TLE4: variants seen among roughly 807,000 people sequenced by gnomAD.
TLE4 encodes the protein TLE family member 4, transcriptional corepressor.
Under a neutral mutation model 92.8 loss-of-function variants are expected in TLE4, and 8 were observed. The ratio of observed to expected loss-of-function variants is 0.09; its 90% CI spans 0.05 to 0.16. The LOEUF (loss-of-function observed/expected upper bound fraction) is 0.16, where lower values mean the gene tolerates loss of function less well. TLE4 is among the 10% of genes least tolerant of loss of function. TLE4 has a pLI of 1.00. For missense variants in TLE4, 675 were observed against 997.6 expected, an observed-to-expected ratio of 0.68 and a Z score of 4.36; for synonymous variants, 371 against 374.1, an observed-to-expected ratio of 0.99 and a Z score of 0.10.
chr9:79,723,866 A>G (rs1362470737), intron 19 of TLE4, among the ~76,000 whole-genome samples: 1 of 152,208 alleles, frequency 6.6e-6, no homozygotes. Context: ...ATGGATTATC[A>G]CTTGTTAGAT....
intron 8 of TLE4, among the ~76,000 whole-genome samples, chr9:79,665,352 G>C (rs184261878): frequency 1.3e-5 from 2 of 152,300 alleles, no homozygotes; most frequent in East Asian, 3.9e-4. Flanking sequence ...GTAAAGATTA[G>C]ATACAATCCC....
rs1588135005 is a variant in TLE4, at chr9:79,677,927, T to C, written c.609+23852T>C. ...GTACTGAAAGGTTAGCCTTACCAGG[T>C]ACTTCTGGCGTAATTTCTCTCTTCT... On this transcript the variant is annotated intron_variant, in intron 8 of 19. Transcript: ENST00000376552. 2.0e-5 allele frequency among the ~76,000 whole-genome samples: 3 copies of C among 152,262 alleles called. No homozygotes were observed. In the East Asian group the frequency reaches 5.8e-4, roughly 29 times the overall value.
rs1379517672 is a variant in TLE4, at chr9:79,668,610, A to G, written c.609+14535A>G. 1.3e-5 allele frequency among the ~76,000 whole-genome samples: 2 copies of G among 152,180 alleles called. 1 individual carries two copies. Among genetic ancestry groups the G allele is most frequent in the East Asian group, 3.9e-4 (2 of 5,192 alleles). On this transcript the variant is annotated intron_variant, in intron 8 of 19. Transcript: ENST00000376552. Reference sequence around the variant, plus strand: ...GCAGGCCAAGAATGTTACAACAGAAATAGTTTCCAGATTCCCCCTCCTCAA... The same window carrying G: ...GCAGGCCAAGAATGTTACAACAGAAGTAGTTTCCAGATTCCCCCTCCTCAA...
intron 6 of TLE4, among the ~76,000 whole-genome samples, chr9:79,641,202 G>T (rs1171142680): frequency 1.3e-5 from 2 of 150,042 alleles, no homozygotes; most frequent in East Asian, 1.9e-4. Flanking sequence ...CAACCCATGA[G>T]AAAAGATTGA....
At chr9:79,716,838 C>G (rs1318051637) in intron 14 of TLE4, among the ~76,000 whole-genome samples, 1 of 152,200 alleles carries the variant, frequency 6.6e-6, no homozygotes, top group Admixed American at 6.5e-5. Flanking sequence ...GCCCCTCAGG[C>G]TGTAATTTCA....
intron 6 of TLE4, among the ~76,000 whole-genome samples, chr9:79,649,016 T>G (rs2058517561): frequency 6.6e-6 from 1 of 152,134 alleles, no homozygotes; most frequent in African/African-American, 2.4e-5. Context: ...CGTGATGATT[T>G]CAGTGTTCTT....
chr9:79,589,340 T>C (rs754477310), intron 4 of TLE4, among the ~76,000 whole-genome samples: 7 of 152,162 alleles, frequency 4.6e-5, no homozygotes, highest in Non-Finnish European at 8.8e-5. Context: ...TTTCCCATGA[T>C]GATAAGCAGA....
intron 4 of TLE4, among the ~76,000 whole-genome samples, chr9:79,603,410 G>A (rs1305453434): frequency 6.6e-6 from 1 of 152,044 alleles, no homozygotes. Flanking sequence ...CATCAGTATT[G>A]AGCCAAAACC....
intron 5 of TLE4, among the ~76,000 whole-genome samples, chr9:79,626,069 A>G (rs958482781): frequency 5.3e-5 from 8 of 152,136 alleles, no homozygotes; most frequent in Non-Finnish European, 1.2e-4. Flanking sequence ...CATAGACACA[A>G]AATACACATT....
At chr9:79,681,619 T>G (rs2135283198) in intron 8 of TLE4, among the ~76,000 whole-genome samples, 1 of 152,276 alleles carries the variant, frequency 6.6e-6, no homozygotes. Context: ...GTCCTTATTC[T>G]AAGGATACAC....
intron 8 of TLE4, among the ~76,000 whole-genome samples, chr9:79,703,073 G>T (rs1441875303): frequency 6.6e-6 from 1 of 151,516 alleles, no homozygotes; most frequent in Admixed American, 6.6e-5. Flanking sequence ...AAAAAAACCC[G>T]TTCAAAGAGT....
chr9:79,579,648 TTATATGTGTGTGTA>T (rs1489840675), intron 4 of TLE4, among the ~76,000 whole-genome samples: 1 of 152,054 alleles, frequency 6.6e-6, no homozygotes, highest in Non-Finnish European at 1.5e-5. Flanking sequence ...GTGTGTATTT[TTATATGTGTGTGTA>T]TTTGTGTGTG....
intron 3 of TLE4, 71 bp downstream of exon 3, chr9:79,575,007 T>C: frequency 7.6e-7 from 1 of 1,319,252 alleles, no homozygotes; most frequent in Non-Finnish European, 1.1e-6. Flanking sequence ...TATGTTTAAA[T>C]TGCTGGGGGC....
At position 79,708,637 on chromosome 9, in the gene TLE4, A is replaced by G. The variant is rs567521583; in HGVS notation, c.1114A>G (p.Thr372Ala). The G allele has an allele frequency of 5.0e-6, 8 of 1,613,890 alleles. No homozygotes were observed. Among genetic ancestry groups the G allele is most frequent in the African/African-American group, 1.3e-5 (1 of 74,942 alleles). Residue 372 changes from threonine (T) to alanine (A), a missense_variant, in exon 13 of 20, where the codon ACT (threonine) becomes GCT (alanine). By Grantham distance (58) the Thr-to-Ala change is moderately conservative (BLOSUM62 0). This residue lies in a region of TLE4 where 280 missense variants were observed against 287.3 expected (regional missense o/e 0.97). Coordinates refer to ENST00000376552, the MANE Select transcript of TLE4 (RefSeq NM_007005.6). ...TPMAVPCPYP[T>A]PFGIVPHAGM... Reference sequence around the variant, plus strand: ...AATGGCAGTACCTTGTCCATATCCAACTCCATTTGGGATTGTGCCCCATGC... The same window carrying G: ...AATGGCAGTACCTTGTCCATATCCAGCTCCATTTGGGATTGTGCCCCATGC...
At chr9:79,693,515 C>G (rs2067527905) in intron 8 of TLE4, 1 of 348,582 alleles carries the variant, frequency 2.9e-6, no homozygotes, top group Non-Finnish European at 5.7e-6. Flanking sequence ...ATTACTATAC[C>G]CTGGAAGTTT....
At chr9:79,576,945 A>C (rs183601647) in intron 4 of TLE4, 25 of 151,836 alleles carry the variant, frequency 1.6e-4, no homozygotes, top group African/African-American at 3.4e-4. Flanking sequence ...ATCTATCTAT[A>C]TATATATATA....
chr9:79,705,909 T>C lies in TLE4; in HGVS notation c.750T>C (p.Ser250=). ...AARYDSDGEK[S]DDNLVVDVSN... ...TGCAGGACAGCGATGGTGAGAAAAG[T>C]GATGACAACTTGGTGGTTGACGTTT... Residue 250 remains serine (S), a synonymous_variant, in exon 10 of 20, where the codon AGT becomes AGC. Coordinates refer to ENST00000376552, the MANE Select transcript of TLE4 (RefSeq NM_007005.6). 1 of 1,614,190 alleles carries C rather than the reference T, an allele frequency of 6.2e-7. No individual in the cohort carries two copies. The highest frequency in any genetic ancestry group is 8.5e-7 in the Non-Finnish European group (1 of 1,180,028).
At chr9:79,634,503 G>T (rs2055179426) in intron 6 of TLE4, among the ~76,000 whole-genome samples, 1 of 152,114 alleles carries the variant, frequency 6.6e-6, no homozygotes, top group Admixed American at 6.5e-5. Context: ...GATTTAATGA[G>T]ACGTAATCTG....
intron 8 of TLE4, among the ~76,000 whole-genome samples, chr9:79,670,848 C>G (rs535412400): frequency 3.8e-4 from 58 of 152,004 alleles, no homozygotes; most frequent in African/African-American, 1.4e-3. Context: ...GTAAAGTTGC[C>G]CAATATAGTA....
Sources: gnomAD v4.1 joint callset for allele counts (sites outside exome capture counted in the v4.1 genomes callset) on GRCh38, gnomAD v4.1.1 for gene constraint, gnomAD v4.1.1 regional missense constraint, MANE v1.5 for transcripts, NCBI Gene and HGNC (gene_info 2026-07-23, HGNC 2026-07-21) for gene names.